The following PCDHA4 variants were observed in gnomAD, a reference collection of about 807,000 sequenced individuals.
The protein encoded by PCDHA4 is protocadherin alpha 4.
A neutral mutation model predicts 61.4 loss-of-function variants in PCDHA4; 49 were observed. The observed-to-expected ratio is 0.80, with a 90% CI of 0.63 to 1.01. The LOEUF (loss-of-function observed/expected upper bound fraction) is 1.01, where lower values mean the gene tolerates loss of function less well. Ranked by LOEUF, PCDHA4 falls within the 50% of genes least tolerant of loss-of-function variation. The pLI, the probability that PCDHA4 is intolerant of heterozygous loss-of-function variation, is 0.00. For missense variants in PCDHA4, 1,254 were observed against 1,235.8 expected (o/e 1.01, Z -0.22); for synonymous variants, 590 against 550.3 (o/e 1.07, Z -1.01).
intron 1 of PCDHA4, chr5:140,835,174 C>T (rs1773498411): frequency 1.3e-6 from 2 of 1,503,684 alleles, no homozygotes; most frequent in Non-Finnish European, 1.8e-6. Context: ...GTGATTCACC[C>T]CAATGCCTCA....
rs1554124581 is a variant in PCDHA4, at chr5:140,808,476, G to C, written c.1289G>C (p.Gly430Ala). Residue 430 changes from glycine to alanine, a missense_variant, in exon 1 of 4, where the codon GGG becomes GCG. Coordinates refer to ENST00000530339, the MANE Select transcript of PCDHA4 (RefSeq NM_018907.4). ...GAGCTGGTGGTGACCGCGCGAGACG[G>C]GGGCTCGCCTTCGCTGTGGGCCACG... ...AYELVVTARD[G>A]GSPSLWATAS... is the part of the protein sequence containing the mutation. The C allele has an allele frequency of 6.2e-7, 1 of 1,614,058 alleles. No individual in the cohort carries two copies. Among genetic ancestry groups the C allele is most frequent in the Non-Finnish European group, 8.5e-7 (1 of 1,180,050 alleles).
chr5:140,836,191 A>G lies in PCDHA4; in HGVS notation c.2385+26619A>G. The stretch of plus-strand genomic sequence containing the variant: ...CGTGCAGTTGACGCTGACTCAGGCT[A>G]CAACGCGTGGCTTTCGTATGAGTTG... On this transcript the variant is annotated intron_variant, in intron 1 of 3. Coordinates refer to ENST00000530339, the MANE Select transcript of PCDHA4 (RefSeq NM_018907.4). 1.2e-6 allele frequency: 2 copies of G among 1,613,828 alleles called. 1 individual carries two copies. Among genetic ancestry groups the G allele is most frequent in the South Asian group, 2.2e-5 (2 of 91,074 alleles).
intron 1 of PCDHA4, chr5:140,850,894 G>A (rs1554145013): frequency 6.3e-7 from 1 of 1,575,006 alleles, no homozygotes; most frequent in African/African-American, 1.4e-5. Context: ...GGGAAGGTGG[G>A]TTTTTCTAGC....
chr5:141,009,606 T>C (rs2098413036), intron 3 of PCDHA4, 21 bp from the exon 4 acceptor site: 1 of 1,609,858 alleles, frequency 6.2e-7, no homozygotes, highest in Non-Finnish European at 8.5e-7. Flanking sequence ...TGTTAATGAT[T>C]TGTAATGTTT....
In PCDHA4 at chr5:140,969,463, C is replaced by G. The variant is rs549074334; in HGVS notation, c.2386-9486C>G. ...CTGGTAAACTGAGTATATATAGTAT[C>G]CACAATTTGATCATAATCTGCTATT... On this transcript the variant is annotated intron_variant, in intron 1 of 3. Coordinates refer to ENST00000530339, the MANE Select transcript of PCDHA4 (RefSeq NM_018907.4). 74 of 1,491,016 alleles carry G rather than the reference C, an allele frequency of 5.0e-5. No homozygotes were observed. In the South Asian group the frequency reaches 6.0e-4, roughly 12 times the overall value. The allele number at this position is 1,491,016 out of a possible 1,614,324, so 92.4% of individuals were successfully genotyped here.
intron 3 of PCDHA4, among the ~76,000 whole-genome samples, chr5:140,986,632 A>T (rs1262339478): frequency 6.6e-6 from 1 of 152,170 alleles, no homozygotes; most frequent in African/African-American, 2.4e-5. Flanking sequence ...AGGCAACAGT[A>T]CATTAGTTTT....
At chr5:140,899,894 A>G (rs2067617727) in intron 1 of PCDHA4, among the ~76,000 whole-genome samples, 1 of 151,938 alleles carries the variant, frequency 6.6e-6, no homozygotes, top group African/African-American at 2.4e-5. Context: ...TGCAGCCTTG[A>G]CATCCTGGGC....
Position 140,808,446 on chromosome 5 carries a change from C to A in PCDHA4, c.1259C>A (p.Ala420Asp), listed in dbSNP as rs782693036. ...GCCCTGGACCGCGAGAGCGTGTCAG[C>A]CTATGAGCTGGTGGTGACCGCGCGA... ...DSALDRESVS[A>D]YELVVTARDG... The change falls in exon 1 of 4, where the codon GCC (alanine) becomes GAC (aspartate). Residue 420 changes from alanine to aspartate, a missense_variant. Coordinates refer to ENST00000530339, the MANE Select transcript of PCDHA4 (RefSeq NM_018907.4). The A allele has an allele frequency of 2.2e-5, 36 of 1,614,080 alleles. No individual in the cohort carries two copies. The highest frequency in any genetic ancestry group is 4.2e-6 in the Non-Finnish European group (5 of 1,180,060).
At chr5:140,992,807 C>G (rs781970284) in intron 3 of PCDHA4, among the ~76,000 whole-genome samples, 6 of 152,108 alleles carry the variant, frequency 3.9e-5, no homozygotes, top group Non-Finnish European at 4.4e-5. Flanking sequence ...CCATATGTAT[C>G]TAAGGATGTG....
intron 1 of PCDHA4, chr5:140,822,409 A>T: frequency 6.2e-7 from 1 of 1,614,100 alleles, no homozygotes; most frequent in Non-Finnish European, 8.5e-7. Flanking sequence ...TTTATTAGTG[A>T]TTGCAACTGA....
chr5:140,869,793 C>A (rs782122541), intron 1 of PCDHA4: 44 of 1,612,682 alleles, frequency 2.7e-5, no homozygotes, highest in Non-Finnish European at 3.7e-5. Context: ...GGCTGTTAGT[C>A]CAAGTCTTGG....
intron 3 of PCDHA4, among the ~76,000 whole-genome samples, chr5:141,004,751 T>C (rs1323540564): frequency 2.0e-5 from 3 of 152,182 alleles, no homozygotes; most frequent in African/African-American, 7.2e-5. Flanking sequence ...TCTCAGTCTC[T>C]TAGAGACAGG....
chr5:140,900,354 C>T (rs376691648), intron 1 of PCDHA4, among the ~76,000 whole-genome samples: 68 of 151,986 alleles, frequency 4.5e-4, no homozygotes, highest in African/African-American at 1.2e-3. Context: ...CTTGGCTCAC[C>T]GCAACCTCTG....
intron 1 of PCDHA4, chr5:140,863,320 CT>C: frequency 6.9e-7 from 1 of 1,445,292 alleles, no homozygotes; most frequent in South Asian, 1.1e-5. Flanking sequence ...GGTGTCCAGC[CT>C]GTTAGTGCTC....
intron 1 of PCDHA4, chr5:140,829,482 T>C: frequency 1.2e-6 from 2 of 1,613,684 alleles, no homozygotes; most frequent in Non-Finnish European, 1.7e-6. Context: ...ACAGTGTTCG[T>C]GAAGGAGAAC....
At chr5:140,968,029 GGT>G in intron 1 of PCDHA4, 1 of 1,614,170 alleles carries the variant, frequency 6.2e-7, no homozygotes, top group African/African-American at 1.3e-5. Context: ...CCTATACACT[GGT>G]GGTGAGCGGC....
At chr5:140,838,145 A>G (rs1356834220) in intron 1 of PCDHA4, among the ~76,000 whole-genome samples, 8 of 118,544 alleles carry the variant, frequency 6.7e-5, no homozygotes, top group Non-Finnish European at 1.1e-4. Flanking sequence ...ACAGAGTTTT[A>G]CTCTGTCGCC....
intron 1 of PCDHA4, chr5:140,857,181 C>CAGG (rs782645351): frequency 1.3e-6 from 2 of 1,598,372 alleles, no homozygotes; most frequent in African/African-American, 2.7e-5. Context: ...GACCATGATT[C>CAGG]AGGAGCCAAC....
chr5:140,947,704 G>T (rs1199039011), intron 1 of PCDHA4, among the ~76,000 whole-genome samples: 2 of 151,488 alleles, frequency 1.3e-5, no homozygotes, highest in East Asian at 3.9e-4. Flanking sequence ...GTAGTTTTAA[G>T]TATTGAGGTT....
Sources: gnomAD v4.1 joint callset for allele counts (sites outside exome capture counted in the v4.1 genomes callset) on GRCh38, gnomAD v4.1.1 for gene constraint, MANE v1.5 for transcripts, NCBI Gene and HGNC (gene_info 2026-07-23, HGNC 2026-07-21) for gene names.